The following CPB2 variants were observed in gnomAD, a reference collection of about 807,000 sequenced individuals.
CPB2 encodes carboxypeptidase B2.
CPB2 carries 54 observed loss-of-function variants against 57.0 expected under a neutral mutation model. That is an observed-to-expected ratio of 0.95 (90% CI 0.76 to 1.19). The LOEUF (loss-of-function observed/expected upper bound fraction) is 1.19, where lower values mean the gene tolerates loss of function less well. CPB2 is among the 50% of genes most tolerant of loss of function. CPB2 has a pLI of 0.00. For synonymous variants in CPB2, 189 were observed against 178.1 expected (o/e 1.06, Z -0.49); for missense variants, 426 against 512.0 (o/e 0.83, Z 1.62).
At chr13:46,092,889 AT>A (rs1203954379) in intron 1 of CPB2, among the ~76,000 whole-genome samples, 1 of 151,852 alleles carries the variant, frequency 6.6e-6, no homozygotes, top group Non-Finnish European at 1.5e-5. Context: ...GGATAATTTT[AT>A]TTGTTTTCCT....
chr13:46,058,507 T>G, intron 8 of CPB2, 126 bp from the exon 9 acceptor site: 1 of 738,214 alleles, frequency 1.4e-6, no homozygotes, highest in Non-Finnish European at 2.3e-6. Flanking sequence ...TAGGTAGGGC[T>G]CTGCAAAGAA....
At chr13:46,088,695 A>G (rs1239790655) in intron 1 of CPB2, among the ~76,000 whole-genome samples, 1 of 152,196 alleles carries the variant, frequency 6.6e-6, no homozygotes, top group Non-Finnish European at 1.5e-5. Flanking sequence ...AACTTTTGCA[A>G]TCAAATTTTT....
chr13:46,081,705 A>C (rs2139391622), intron 4 of CPB2, among the ~76,000 whole-genome samples: 1 of 152,350 alleles, frequency 6.6e-6, no homozygotes, highest in Middle Eastern at 3.4e-3. Flanking sequence ...TATATTAGGC[A>C]ATATAGCTGC....
At chr13:46,087,566 T>A (rs2045229351) in intron 2 of CPB2, among the ~76,000 whole-genome samples, 179 bp downstream of exon 2, 1 of 152,042 alleles carries the variant, frequency 6.6e-6, no homozygotes, top group Non-Finnish European at 1.5e-5. Context: ...ATAGCACAAG[T>A]GAAGAAGTGT....
At chr13:46,088,947 T>TATTGCAAATATC (rs1178228175) in intron 1 of CPB2, among the ~76,000 whole-genome samples, 17 of 151,878 alleles carry the variant, frequency 1.1e-4, no homozygotes, top group Non-Finnish European at 2.1e-4. Flanking sequence ...CTTCTAGCAG[T>TATTGCAAATATC]TTGTAATTTG....
In CPB2 at chr13:46,094,467, T is replaced by C. The variant is rs369181356; in HGVS notation, c.75-6647A>G. Among the ~76,000 whole-genome samples, 13 of 152,182 alleles carry C rather than the reference T, an allele frequency of 8.5e-5. No individual in the cohort carries two copies. In the East Asian group the frequency reaches 1.9e-3, roughly 23 times the overall value. ...CTTATGTTGTGACTACCCTAGGTTA[T>C]TGGCTTGAAGGCCAGGAGGGGAGGT... On this transcript the variant is annotated intron_variant, in intron 1 of 10. Transcript: ENST00000181383.
At chr13:46,063,224 T>C (rs926915871) in intron 8 of CPB2, among the ~76,000 whole-genome samples, 4 of 152,194 alleles carry the variant, frequency 2.6e-5, no homozygotes, top group Non-Finnish European at 4.4e-5. Context: ...CATGGATATA[T>C]TGTGTGATGC....
At chr13:46,076,813 G>A (rs552378765) in intron 5 of CPB2, among the ~76,000 whole-genome samples, 1 of 152,154 alleles carries the variant, frequency 6.6e-6, no homozygotes, top group East Asian at 1.9e-4. Context: ...TTTCAACAAA[G>A]GCACCAAGAA....
At chr13:46,084,439 G>A (rs1459678619) in intron 2 of CPB2, 96 bp from the exon 3 acceptor site, 2 of 1,342,958 alleles carry the variant, frequency 1.5e-6, no homozygotes, top group Middle Eastern at 2.0e-4. Context: ...TCTATAAGGA[G>A]TATGAAAAGG....
intron 8 of CPB2, among the ~76,000 whole-genome samples, chr13:46,063,025 C>T (rs951343497): frequency 6.6e-6 from 1 of 152,164 alleles, no homozygotes; most frequent in Admixed American, 6.5e-5. Flanking sequence ...TTATGGGCCC[C>T]ATGGAGCCCA....
intron 6 of CPB2, among the ~76,000 whole-genome samples, chr13:46,072,363 C>T (rs2044955625): frequency 6.6e-6 from 1 of 152,062 alleles, no homozygotes; most frequent in Non-Finnish European, 1.5e-5. Flanking sequence ...TCCTCCAGTG[C>T]TTTGAAGTAC....
intron 1 of CPB2, among the ~76,000 whole-genome samples, chr13:46,102,364 A>G (rs2045444596): frequency 6.6e-6 from 1 of 152,136 alleles, no homozygotes; most frequent in South Asian, 2.1e-4. Context: ...TTAAAAGCAA[A>G]TGAATATGGA....
At chr13:46,056,242 A>G (rs1173638436) in intron 9 of CPB2, among the ~76,000 whole-genome samples, 1 of 152,172 alleles carries the variant, frequency 6.6e-6, no homozygotes, top group Non-Finnish European at 1.5e-5. Context: ...ACCTTTCTAA[A>G]CACATACAAA....
chr13:46,055,669 A>T (rs57987868), intron 10 of CPB2, 93 bp downstream of exon 10: 1 of 661,142 alleles, frequency 1.5e-6, no homozygotes, highest in Non-Finnish European at 2.5e-6. Flanking sequence ...GACCCTATTT[A>T]ATTCAGAAAA....
chr13:46,085,044 G>C (rs528344517), intron 2 of CPB2, among the ~76,000 whole-genome samples: 1 of 151,850 alleles, frequency 6.6e-6, no homozygotes, highest in South Asian at 2.1e-4. Flanking sequence ...TAGAGACGGG[G>C]TTTCACCGTG....
chr13:46,084,086 GGTCCA>G, intron 3 of CPB2, 128 bp downstream of exon 3: 4 of 1,064,900 alleles, frequency 3.8e-6, no homozygotes, highest in Non-Finnish European at 4.1e-6. Context: ...CAGTCCATTT[GGTCCA>G]GTCAGAGACT....
chr13:46,082,432 A>C lies in CPB2; in HGVS notation c.384+9T>G. ...AATAGTAGCTTTGAAGAGCTGTGTG[A>C]TGGCTTACTTCATTTAGTGAGTGAT... On this transcript the variant is annotated intron_variant, in intron 4 of 10. Transcript: ENST00000181383. The C allele has an allele frequency of 6.6e-7, 1 of 1,521,588 alleles. No homozygotes were observed. Among genetic ancestry groups the C allele is most frequent in the Non-Finnish European group, 9.1e-7 (1 of 1,101,008 alleles). 94.3% of individuals were successfully genotyped at this position (1,521,588 alleles called of 1,614,324 possible).
chr13:46,062,025 GTTT>G (rs5803326), intron 8 of CPB2, among the ~76,000 whole-genome samples: 49 of 124,474 alleles, frequency 3.9e-4, no homozygotes, highest in East Asian at 1.6e-3. Flanking sequence ...TTTTTATTTG[GTTT>G]TTTTTTTTTT....
At chr13:46,061,998 C>T (rs2044780009) in intron 8 of CPB2, among the ~76,000 whole-genome samples, 1 of 149,184 alleles carries the variant, frequency 6.7e-6, no homozygotes, top group Non-Finnish European at 1.5e-5. Flanking sequence ...GTAATAAGGA[C>T]AGTTCCTTAC....
Sources: gnomAD v4.1 joint callset for allele counts (sites outside exome capture counted in the v4.1 genomes callset) on GRCh38, gnomAD v4.1.1 for gene constraint, MANE v1.5 for transcripts, NCBI Gene and HGNC (gene_info 2026-07-23, HGNC 2026-07-21) for gene names.